Variants in COL5A2 observed in about 807,000 individuals in gnomAD.
COL5A2 encodes the protein collagen type V alpha 2 chain.
A neutral mutation model predicts 208.2 loss-of-function variants in COL5A2; 23 were observed. The ratio of observed to expected loss-of-function variants is 0.11; its 90% CI spans 0.08 to 0.16. The LOEUF (loss-of-function observed/expected upper bound fraction) is 0.16, where lower values mean the gene tolerates loss of function less well. Ranked by LOEUF, COL5A2 falls within the 10% of genes least tolerant of loss-of-function variation. The probability of loss-of-function intolerance (pLI) is 1.00; values close to 1 mark genes in which losing one functional copy is unlikely to be tolerated. For synonymous variants in COL5A2, 625 were observed against 628.5 expected, an observed-to-expected ratio of 0.99 and a Z score of 0.08; for missense variants, 1,590 against 1,956.4, an observed-to-expected ratio of 0.81 and a Z score of 3.53.
At chr2:189,252,567 A>C in the COL5A2 span, among the ~76,000 whole-genome samples, 2 of 152,012 alleles carry the variant, frequency 1.3e-5, no homozygotes, top group South Asian at 4.2e-4. Context: ...AACAGTGAGA[A>C]CACTTGGACA....
At chr2:189,117,771 A>G (rs1687422864) in intron 1 of COL5A2, among the ~76,000 whole-genome samples, 1 of 151,770 alleles carries the variant, frequency 6.6e-6, no homozygotes, top group Admixed American at 6.6e-5. Flanking sequence ...TACCACTTTC[A>G]AGCCTACTAT....
At chr2:189,235,446 G>T in the COL5A2 span, among the ~76,000 whole-genome samples, 8 of 151,614 alleles carry the variant, frequency 5.3e-5, no homozygotes, top group African/African-American at 1.9e-4. Flanking sequence ...TCACCCAAAG[G>T]ATAGTCACAA....
At chr2:189,263,640 T>C in the COL5A2 span, among the ~76,000 whole-genome samples, 1 of 152,168 alleles carries the variant, frequency 6.6e-6, no homozygotes, top group South Asian at 2.1e-4. Context: ...GCAACCTCCA[T>C]TTATGGTACA....
the COL5A2 span, among the ~76,000 whole-genome samples, chr2:189,335,091 T>C: frequency 5.9e-5 from 9 of 152,058 alleles, no homozygotes; most frequent in Non-Finnish European, 1.5e-5. Flanking sequence ...ATCATTGATC[T>C]AATTGTAAAA....
intron 12 of COL5A2, 140 bp downstream of exon 12, chr2:189,083,844 A>G (rs1211267707): frequency 1.4e-6 from 1 of 700,310 alleles, no homozygotes; most frequent in African/African-American, 1.8e-5. Flanking sequence ...GTCCTGTGAC[A>G]TTTTACATTT....
chr2:189,056,233 A>G (rs1307025249), intron 35 of COL5A2, among the ~76,000 whole-genome samples: 2 of 152,240 alleles, frequency 1.3e-5, no homozygotes, highest in Non-Finnish European at 2.9e-5. Flanking sequence ...GACAACTAAC[A>G]GCAAACCATG....
chr2:189,318,700 C>T, the COL5A2 span, among the ~76,000 whole-genome samples: 5 of 152,160 alleles, frequency 3.3e-5, no homozygotes, highest in Non-Finnish European at 7.4e-5. Flanking sequence ...TTCTTAACAA[C>T]TTTTATTTTA....
At chr2:189,229,438 A>T (rs12472303), upstream of COL5A2, among the ~76,000 whole-genome samples, 22,301 of 81,030 alleles carry the variant, frequency 0.28, 2,798 homozygotes, top group East Asian at 0.45. Context: ...ACATACACAC[A>T]CACAAAAAAA....
chr2:189,439,761 A>G, the COL5A2 span, among the ~76,000 whole-genome samples: 1 of 152,248 alleles, frequency 6.6e-6, no homozygotes, highest in Non-Finnish European at 1.5e-5. Flanking sequence ...GTTTTTGTCC[A>G]TATCAGGATT....
At chr2:189,329,459 GA>G in the COL5A2 span, among the ~76,000 whole-genome samples, 4 of 152,138 alleles carry the variant, frequency 2.6e-5, no homozygotes, top group Non-Finnish European at 4.4e-5. Context: ...AATTTAATAA[GA>G]AAGTAGATCT....
At chr2:189,178,530 C>T (rs574338883) in intron 1 of COL5A2, among the ~76,000 whole-genome samples, 88 of 151,786 alleles carry the variant, frequency 5.8e-4, no homozygotes, top group African/African-American at 2.0e-3. Flanking sequence ...TAAAGGAGTA[C>T]ATGTCTGTAT....
intron 17 of COL5A2, among the ~76,000 whole-genome samples, chr2:189,075,043 T>G (rs1190218676): frequency 6.6e-6 from 1 of 152,164 alleles, no homozygotes; most frequent in Non-Finnish European, 1.5e-5. Flanking sequence ...CAATTTTACC[T>G]TCCTAGAATT....
the COL5A2 span, among the ~76,000 whole-genome samples, chr2:189,390,687 T>C: frequency 6.6e-6 from 1 of 152,236 alleles, no homozygotes; most frequent in Non-Finnish European, 1.5e-5. Flanking sequence ...GTATGGACCA[T>C]GCTCACCTAT....
chr2:189,256,627 A>T, the COL5A2 span, among the ~76,000 whole-genome samples: 1 of 152,178 alleles, frequency 6.6e-6, no homozygotes, highest in African/African-American at 2.4e-5. Context: ...AGATCTTTGC[A>T]AATCAGAAAA....
intron 22 of COL5A2, 105 bp from the exon 23 acceptor site, chr2:189,066,602 A>G (rs1686156035): frequency 2.2e-6 from 3 of 1,359,396 alleles, no homozygotes; most frequent in Non-Finnish European, 3.2e-6. Context: ...AAGTATATGG[A>G]ACAATGAGAT....
At chr2:189,169,350 G>C (rs919782964) in intron 1 of COL5A2, among the ~76,000 whole-genome samples, 1 of 152,152 alleles carries the variant, frequency 6.6e-6, no homozygotes, top group Non-Finnish European at 1.5e-5. Flanking sequence ...CGAAACAGGG[G>C]AGGGGCAGTG....
chr2:189,334,072 G>A, the COL5A2 span, among the ~76,000 whole-genome samples: 1 of 151,762 alleles, frequency 6.6e-6, no homozygotes, highest in Non-Finnish European at 1.5e-5. Context: ...TAAACACCCA[G>A]TCATAATTCA....
chr2:189,395,217 T>C, the COL5A2 span, among the ~76,000 whole-genome samples: 348 of 152,348 alleles, frequency 2.3e-3, 3 homozygotes, highest in Non-Finnish European at 4.1e-3. Flanking sequence ...TTTTTAACAT[T>C]GTTTAAAGAT....
Position 189,060,815 on chromosome 2 carries a change from A to G in COL5A2, c.2032-32T>C, listed in dbSNP as rs765661984. 7 of 1,575,278 alleles carry G rather than the reference A, an allele frequency of 4.4e-6. No homozygotes were observed. The African/African-American group carries it at 8.1e-5, about 18-fold the overall frequency. On this transcript the variant is annotated intron_variant, in intron 30 of 53. Coordinates refer to ENST00000374866, the MANE Select transcript of COL5A2 (RefSeq NM_000393.5). ...CAAAAGTAAGAAAATAAAATTGTGA[A>G]TCTGTGTAAGTTTAACAGGCTACCA...
Sources: allele counts gnomAD v4.1 joint callset (sites outside exome capture counted in the v4.1 genomes callset), GRCh38; gene constraint gnomAD v4.1.1; transcripts MANE v1.5; gene names NCBI Gene and HGNC (gene_info 2026-07-23, HGNC 2026-07-21).